Variants in PTGER4 observed in about 807,000 individuals in gnomAD.
The protein encoded by PTGER4 is prostaglandin E2 receptor EP4 subtype.
Under a neutral mutation model 33.2 loss-of-function variants are expected in PTGER4, and 11 were observed. The ratio of observed to expected loss-of-function variants is 0.33; its 90% confidence interval spans 0.21 to 0.55. The LOEUF (loss-of-function observed/expected upper bound fraction) is 0.55. Among genes scored for constraint, PTGER4 ranks in the 20% least tolerant of loss-of-function variants. PTGER4 has a pLI of 0.92. For synonymous variants in PTGER4, 275 were observed against 281.5 expected (o/e 0.98, Z 0.23); for missense variants, 481 against 650.2 (o/e 0.74, Z 2.83).
chr5:40,700,880 G>A, the PTGER4 span, among the ~76,000 whole-genome samples: 1 of 152,148 alleles, frequency 6.6e-6, no homozygotes, highest in African/African-American at 2.4e-5. Context: ...ATAAGCCTAA[G>A]TGTCACCTGC....
chr5:40,711,965 GAC>G, the PTGER4 span, among the ~76,000 whole-genome samples: 1 of 152,078 alleles, frequency 6.6e-6, no homozygotes, highest in Admixed American at 6.6e-5. Context: ...TTGGGTGATG[GAC>G]ACACACTATA....
chr5:40,736,744 T>G, the PTGER4 span, among the ~76,000 whole-genome samples: 2 of 152,152 alleles, frequency 1.3e-5, no homozygotes, highest in African/African-American at 4.8e-5. Context: ...CCTCCAAAAT[T>G]CTATAAGATA....
At chr5:40,723,593 G>A in the PTGER4 span, among the ~76,000 whole-genome samples, 24 of 152,060 alleles carry the variant, frequency 1.6e-4, no homozygotes, top group Admixed American at 2.0e-4. Context: ...GGCCAGATGC[G>A]GTGACTCACA....
downstream of PTGER4, among the ~76,000 whole-genome samples, chr5:40,697,294 G>GAA (rs1204065257): frequency 7.0e-6 from 1 of 143,640 alleles, no homozygotes; most frequent in Admixed American, 7.2e-5. Context: ...AAGAAAGAAA[G>GAA]AAAAAGAAAG....
chr5:40,681,591 G>C lies in PTGER4; in HGVS notation c.598G>C (p.Val200Leu). The change falls in exon 2 of 3, where the codon GTC (valine) becomes CTC (leucine). Residue 200 changes from valine (V) to leucine (L), a missense_variant. By Grantham distance (32) the Val-to-Leu change is conservative. Around this residue, in one of 7 missense-constraint regions of PTGER4, gnomAD observed 174 missense variants for 210.5 expected, o/e 0.83. Transcript: ENST00000302472. The surrounding 1 kb of genome is among the most constrained non-coding windows in gnomAD (Gnocchi z 9.8). ...GFSSFLILATVLCNVLVCGAL... is the reference protein window; with the variant it reads ...GFSSFLILATLLCNVLVCGAL... Reference sequence around the variant, plus strand: ...CAGCTCCTTCCTCATTCTCGCCACCGTCCTCTGCAACGTGCTTGTGTGCGG... The same window carrying C: ...CAGCTCCTTCCTCATTCTCGCCACCCTCCTCTGCAACGTGCTTGTGTGCGG... 1 of 1,608,966 alleles carries C rather than the reference G, an allele frequency of 6.2e-7. No homozygotes were observed. Among genetic ancestry groups the C allele is most frequent in the Non-Finnish European group, 8.5e-7 (1 of 1,179,974 alleles).
At chr5:40,724,632 C>CA in the PTGER4 span, among the ~76,000 whole-genome samples, 3 of 149,146 alleles carry the variant, frequency 2.0e-5, no homozygotes, top group African/African-American at 4.9e-5. Context: ...GACTCCATCT[C>CA]AAAAAAACAA....
At chr5:40,712,113 C>T in the PTGER4 span, among the ~76,000 whole-genome samples, 1 of 152,050 alleles carries the variant, frequency 6.6e-6, no homozygotes, top group Non-Finnish European at 1.5e-5. Context: ...CAGAGGATAT[C>T]CTAATTCATT....
chr5:40,725,265 G>A, the PTGER4 span, among the ~76,000 whole-genome samples: 5 of 150,914 alleles, frequency 3.3e-5, no homozygotes, highest in East Asian at 5.8e-4. Flanking sequence ...GAGATTATAC[G>A]CGTGAGCCAG....
At chr5:40,688,762 A>AT (rs962616148) in intron 2 of PTGER4, among the ~76,000 whole-genome samples, 43 of 151,884 alleles carry the variant, frequency 2.8e-4, no homozygotes, top group East Asian at 5.8e-4. Context: ...TTCTGTAAAG[A>AT]TTTTTTTTTA....
At chr5:40,690,079 C>A (rs1327110850) in intron 2 of PTGER4, among the ~76,000 whole-genome samples, 4 of 152,048 alleles carry the variant, frequency 2.6e-5, no homozygotes, top group Non-Finnish European at 5.9e-5. Context: ...GTGGCTCACT[C>A]CTGTAATTTT....
chr5:40,694,561 T>G (rs1000176147), downstream of PTGER4, among the ~76,000 whole-genome samples: 3 of 152,170 alleles, frequency 2.0e-5, no homozygotes, highest in African/African-American at 7.2e-5. Flanking sequence ...TGCAGATGGC[T>G]CCCTTCTTTC....
the PTGER4 span, among the ~76,000 whole-genome samples, chr5:40,706,507 T>A: frequency 6.6e-6 from 1 of 152,022 alleles, no homozygotes; most frequent in African/African-American, 2.4e-5. Context: ...TAACTTAAGC[T>A]TAAAACAAAA....
At chr5:40,724,664 A>C in the PTGER4 span, among the ~76,000 whole-genome samples, 1 of 152,106 alleles carries the variant, frequency 6.6e-6, no homozygotes, top group South Asian at 2.1e-4. Context: ...ACAAAAAAAA[A>C]CAGAACAATA....
chr5:40,716,570 A>G, the PTGER4 span: 1 of 964,696 alleles, frequency 1.0e-6, no homozygotes, highest in African/African-American at 1.6e-5. Flanking sequence ...CTGTGTGTTT[A>G]CGTACATATA....
At chr5:40,721,820 G>A in the PTGER4 span, among the ~76,000 whole-genome samples, 1 of 152,124 alleles carries the variant, frequency 6.6e-6, no homozygotes, top group Non-Finnish European at 1.5e-5. Context: ...AAATTAAAAG[G>A]CTTCTGCACA....
At chr5:40,708,666 T>C in the PTGER4 span, among the ~76,000 whole-genome samples, 164 of 152,310 alleles carry the variant, frequency 1.1e-3, 1 homozygote, top group East Asian at 0.026. Context: ...GAGGGAATCC[T>C]CCCTAACTCA....
the PTGER4 span, among the ~76,000 whole-genome samples, chr5:40,710,671 C>T: frequency 7.2e-5 from 11 of 152,236 alleles, 1 homozygote; most frequent in Admixed American, 2.6e-4. Context: ...AGACTTGCAA[C>T]CAACCCAAAT....
At chr5:40,724,540 C>T in the PTGER4 span, among the ~76,000 whole-genome samples, 2 of 151,490 alleles carry the variant, frequency 1.3e-5, no homozygotes, top group African/African-American at 2.4e-5. Context: ...GGCTGAGGAA[C>T]GAGAATGGCT....
chr5:40,734,578 T>C, the PTGER4 span, among the ~76,000 whole-genome samples: 1 of 152,230 alleles, frequency 6.6e-6, no homozygotes, highest in East Asian at 1.9e-4. Context: ...ATAAGTTAGA[T>C]AGCACACTCA....
Sources: gnomAD v4.1 joint callset for allele counts (sites outside exome capture counted in the v4.1 genomes callset) on GRCh38, gnomAD v4.1.1 for gene constraint, gnomAD v4.1.1 regional missense constraint, Gnocchi (gnomAD v3.1) non-coding constraint, MANE v1.5 for transcripts, NCBI Gene and HGNC (gene_info 2026-07-23, HGNC 2026-07-21) for gene names.